Variants in PUM2 observed in about 807,000 individuals in gnomAD.
PUM2 encodes the protein pumilio RNA binding family member 2.
Under a neutral mutation model 124.5 loss-of-function variants are expected in PUM2, and 57 were observed. The ratio of observed to expected loss-of-function variants is 0.46; its 90% CI spans 0.37 to 0.57. The LOEUF is 0.57. Ranked by LOEUF, PUM2 falls within the 20% of genes least tolerant of loss-of-function variation. The pLI is 0.00. For synonymous variants in PUM2, 460 were observed against 446.1 expected, an observed-to-expected ratio of 1.03 and a Z score of -0.39; for missense variants, 1,065 against 1,290.6, an observed-to-expected ratio of 0.83 and a Z score of 2.68.
At chr2:20,319,262 T>C (rs532534186) in intron 2 of PUM2, among the ~76,000 whole-genome samples, 78 of 152,348 alleles carry the variant, frequency 5.1e-4, no homozygotes, top group South Asian at 1.9e-3. Context: ...ATTCACTGAT[T>C]ACTCAAAATG....
At chr2:20,251,861 C>G (rs892494114) in intron 20 of PUM2, 145 bp from the exon 21 acceptor site, 2 of 882,506 alleles carry the variant, frequency 2.3e-6, no homozygotes, top group Non-Finnish European at 3.4e-6. Context: ...TTTGCAAAAG[C>G]AGTTGTGATC....
chr2:20,294,189 T>C (rs1460371969), intron 9 of PUM2, among the ~76,000 whole-genome samples, 187 bp downstream of exon 9: 3 of 152,208 alleles, frequency 2.0e-5, no homozygotes, highest in Non-Finnish European at 4.4e-5. Flanking sequence ...TAACCAAATC[T>C]TTTAAATTCA....
At chr2:20,257,043 C>CAAAAAAAAAAAAAAAAAA (rs58072146) in intron 16 of PUM2, among the ~76,000 whole-genome samples, 7 of 71,800 alleles carry the variant, frequency 9.7e-5, no homozygotes, top group African/African-American at 3.6e-4. Context: ...GATTCCGTCT[C>CAAAAAAAAAAAAAAAAAA]AAAAAAAAAA....
chr2:20,287,968 G>A (rs1417466927), intron 10 of PUM2, among the ~76,000 whole-genome samples: 2 of 152,218 alleles, frequency 1.3e-5, no homozygotes, highest in East Asian at 1.9e-4. Flanking sequence ...TATAAGGACA[G>A]ACATGTATTA....
chr2:20,251,504 T>C lies in PUM2; in HGVS notation c.*81A>G, dbSNP rs1324589122. 1 of 1,454,306 alleles carries C rather than the reference T, an allele frequency of 6.9e-7. No individual in the cohort carries two copies. The highest frequency in any genetic ancestry group is 1.4e-5 in the African/African-American group (1 of 70,028). The allele number at this position is 1,454,306 out of a possible 1,614,324, so 90.1% of individuals were successfully genotyped here. ...TTAAAAAAAAATTGAAGATTCATAGTTGAGTTGTGTTTTGATAATTCACAC... is the reference window on the plus strand; with the variant it reads ...TTAAAAAAAAATTGAAGATTCATAGCTGAGTTGTGTTTTGATAATTCACAC... On this transcript the variant is annotated 3_prime_UTR_variant, in exon 21 of 21. Transcript: ENST00000361078.
rs187336769 is a variant in PUM2, at chr2:20,251,853, T to C, written c.3064-137A>G. On this transcript the variant is annotated intron_variant, in intron 20 of 20. Transcript: ENST00000361078. ...TTTAAATCCAAAGAAAGCTACTTTT[T>C]GCAAAAGCAGTTGTGATCTGCTCAA... The C allele has an allele frequency of 8.8e-5, 95 of 1,082,196 alleles. No individual in the cohort carries two copies. The African/African-American group carries it at 1.2e-3, about 14-fold the overall frequency. The allele number at this position is 1,082,196 out of a possible 1,614,324, so 67.0% of individuals were successfully genotyped here. A position where few individuals can be genotyped will look rare whatever the true frequency, so the allele number is the denominator to read the frequency against.
chr2:20,316,613 T>C (rs1680999467), intron 3 of PUM2, among the ~76,000 whole-genome samples: 1 of 152,196 alleles, frequency 6.6e-6, no homozygotes, highest in Non-Finnish European at 1.5e-5. Flanking sequence ...CTAACTACTT[T>C]AATACAACTA....
chr2:20,259,495 T>G (rs1026605731), intron 15 of PUM2, among the ~76,000 whole-genome samples: 2 of 152,218 alleles, frequency 1.3e-5, no homozygotes, highest in African/African-American at 4.8e-5. Context: ...CCACTATTAG[T>G]TATTCTAGAC....
intron 13 of PUM2, among the ~76,000 whole-genome samples, chr2:20,272,916 T>A (rs963925112): frequency 3.3e-5 from 5 of 152,182 alleles, no homozygotes; most frequent in African/African-American, 1.2e-4. Flanking sequence ...CCAACTCCAG[T>A]GAAAATATTC....
At chr2:20,255,662 T>C (rs1664593520) in intron 17 of PUM2, among the ~76,000 whole-genome samples, 2 of 152,298 alleles carry the variant, frequency 1.3e-5, no homozygotes, top group Middle Eastern at 3.4e-3. Context: ...AAATATTAAT[T>C]ACTATGTATT....
intron 1 of PUM2, among the ~76,000 whole-genome samples, chr2:20,336,798 GTGT>G (rs1572998139): frequency 3.9e-5 from 5 of 129,564 alleles, no homozygotes; most frequent in East Asian, 2.4e-4. Flanking sequence ...GTGTGTGTGT[GTGT>G]GGTACAGACG....
intron 13 of PUM2, 113 bp from the exon 14 acceptor site, chr2:20,263,573 CT>C: frequency 8.0e-7 from 1 of 1,255,596 alleles, no homozygotes; most frequent in Non-Finnish European, 1.1e-6. Context: ...CCACTAATTC[CT>C]ACTTGTTATG....
At chr2:20,265,189 T>C (rs1572595662) in intron 13 of PUM2, among the ~76,000 whole-genome samples, 1 of 151,150 alleles carries the variant, frequency 6.6e-6, no homozygotes, top group Non-Finnish European at 1.5e-5. Context: ...GATACGGAGG[T>C]TGCAGTGAGC....
At chr2:20,339,116 A>G (rs1375570495) in intron 1 of PUM2, among the ~76,000 whole-genome samples, 1 of 152,234 alleles carries the variant, frequency 6.6e-6, no homozygotes, top group Non-Finnish European at 1.5e-5. Flanking sequence ...AGTTATTTCT[A>G]TAGCTTATTT....
intron 13 of PUM2, among the ~76,000 whole-genome samples, chr2:20,271,792 T>C (rs1669067478): frequency 6.6e-6 from 1 of 152,214 alleles, no homozygotes; most frequent in Non-Finnish European, 1.5e-5. Context: ...TACTACAATT[T>C]TATAAAAAGT....
At chr2:20,281,509 T>C (rs1572690759) in intron 12 of PUM2, among the ~76,000 whole-genome samples, 1 of 152,224 alleles carries the variant, frequency 6.6e-6, no homozygotes, top group East Asian at 1.9e-4. Flanking sequence ...CTACAATTTA[T>C]AATTTAAAAA....
In PUM2 at chr2:20,336,052, C is replaced by T. The variant is rs551304948; in HGVS notation, c.-18-8674G>A. On this transcript the variant is annotated intron_variant, in intron 1 of 20. Transcript: ENST00000361078. ...ATACTACTTAGATAAGATCTACACA[C>T]TAAACAGCCTCAATCTATGCTGGGT... is the stretch of plus-strand genomic sequence containing the variant. 6.3e-4 allele frequency among the ~76,000 whole-genome samples: 96 copies of T among 152,332 alleles called. 1 individual carries two copies. Among genetic ancestry groups the T allele is most frequent in the Non-Finnish European group, 1.2e-3 (81 of 68,038 alleles).
At chr2:20,314,070 C>T (rs902989631) in intron 3 of PUM2, among the ~76,000 whole-genome samples, 1 of 151,926 alleles carries the variant, frequency 6.6e-6, no homozygotes, top group Non-Finnish European at 1.5e-5. Context: ...CACCTGAGCC[C>T]GGGAGGTCAA....
At chr2:20,316,683 G>A (rs1029012939) in intron 3 of PUM2, among the ~76,000 whole-genome samples, 1 of 151,902 alleles carries the variant, frequency 6.6e-6, no homozygotes, top group Non-Finnish European at 1.5e-5. Flanking sequence ...CAGAAGTTCC[G>A]AGACCAGCCT....
Sources: gnomAD v4.1 joint callset for allele counts (sites outside exome capture counted in the v4.1 genomes callset) on GRCh38, gnomAD v4.1.1 for gene constraint, MANE v1.5 for transcripts, NCBI Gene and HGNC (gene_info 2026-07-23, HGNC 2026-07-21) for gene names.